Variants in TENT5B observed in about 807,000 individuals in gnomAD.
TENT5B encodes family with sequence similarity 46 member B.
TENT5B carries 12 observed loss-of-function variants against 21.7 expected under a neutral mutation model. The ratio of observed to expected loss-of-function variants is 0.55; its 90% confidence interval spans 0.36 to 0.90. TENT5B has a LOEUF of 0.90. Among genes scored for constraint, TENT5B ranks in the 40% least tolerant of loss-of-function variants. TENT5B has a pLI of 0.01. For synonymous variants in TENT5B, 262 were observed against 266.6 expected (o/e 0.98, Z 0.17); for missense variants, 540 against 601.5 (o/e 0.90, Z 1.07).
At chr1:27,011,828 C>G (rs1254718996) in intron 1 of TENT5B, among the ~76,000 whole-genome samples, 1 of 152,056 alleles carries the variant, frequency 6.6e-6, no homozygotes, top group Admixed American at 6.6e-5. Context: ...CAGGTCTGAC[C>G]TTCGGCTTAA....
chr1:27,011,928 T>G (rs1424229720), intron 1 of TENT5B, among the ~76,000 whole-genome samples: 1 of 149,884 alleles, frequency 6.7e-6, no homozygotes, highest in Admixed American at 6.7e-5. Context: ...GAAGGGGGGG[T>G]TTCTCCAGCA....
rs1481749108 is a variant in TENT5B, at chr1:27,006,350, C to T, written c.872G>A (p.Arg291Gln). 10 of 1,610,816 alleles carry T rather than the reference C, an allele frequency of 6.2e-6. No homozygotes were observed. Among genetic ancestry groups the T allele is most frequent in the Middle Eastern group, 1.6e-4 (1 of 6,078 alleles). ...GCGCACATCGGTGCTGGGCCGGGGCCGGAAGCCCCGCACCAGGAGGTGGCA... is the reference window on the plus strand; with the variant it reads ...GCGCACATCGGTGCTGGGCCGGGGCTGGAAGCCCCGCACCAGGAGGTGGCA... Reference protein sequence around the residue: ...KYCHLLVRGFRPRPSTDVRAL... With the variant: ...KYCHLLVRGFQPRPSTDVRAL... The change falls in exon 2 of 2, where the codon CGG becomes CAG. Residue 291 changes from arginine (R) to glutamine (Q), a missense_variant. Transcript: ENST00000289166. The surrounding 1 kb of genome is among the most constrained non-coding windows in gnomAD (Gnocchi z 9.4).
At position 27,005,994 on chromosome 1, in the gene TENT5B, C is replaced by CG. The variant is rs950361300; in HGVS notation, c.1227dup (p.Val410ArgfsTer16). On this transcript the variant is annotated frameshift_variant, in exon 2 of 2. Coordinates refer to ENST00000289166, the MANE Select transcript of TENT5B (RefSeq NM_052943.4). LOFTEE classifies it high-confidence loss of function. ...TAGGCGTGAGCCAGGAGAGGTTGCA[C>CG]GGGGGTCACGTAGTAATTGACAGTG... 3.8e-6 allele frequency: 6 copies of CG among 1,596,870 alleles called. No individual in the cohort carries two copies. Among genetic ancestry groups the CG allele is most frequent in the Non-Finnish European group, 5.1e-6 (6 of 1,169,552 alleles).
chr1:27,006,876 G>C lies in TENT5B; in HGVS notation c.346C>G (p.His116Asp). The change falls in exon 2 of 2, where the codon CAC (histidine) becomes GAC (aspartate). Residue 116 changes from histidine (H) to aspartate (D), a missense_variant. Transcript: ENST00000289166. The surrounding 1 kb of genome is among the most constrained non-coding windows in gnomAD (Gnocchi z 9.4). ...LHGSAASHVL[H>D]PESGLGYKDL... ...TTGTAGCCCAGGCCACTCTCAGGGT[G>C]CAGCACGTGGCTGGCAGCTGAACCA... The C allele has an allele frequency of 1.9e-6, 3 of 1,613,914 alleles. No individual in the cohort carries two copies. The highest frequency in any genetic ancestry group is 2.5e-6 in the Non-Finnish European group (3 of 1,180,016).
At chr1:27,010,802 T>C (rs954262144) in intron 1 of TENT5B, among the ~76,000 whole-genome samples, 37 of 152,322 alleles carry the variant, frequency 2.4e-4, no homozygotes, top group African/African-American at 8.7e-4. Flanking sequence ...TAAAGTTAGC[T>C]TCTATTGACC....
rs2082592170 is a variant in TENT5B, at chr1:27,005,592, G to A, written c.*352C>T. 1 of 274,724 alleles carries A rather than the reference G, an allele frequency of 3.6e-6. No homozygotes were observed. The highest frequency in any genetic ancestry group is 6.9e-6 in the Non-Finnish European group (1 of 145,214). The allele number at this position is 274,724 out of a possible 1,614,324, so 17.0% of individuals were successfully genotyped here. ...GGCCTTAGTCAAAAAGACCCTCTTA[G>A]ACCATGGGAATCAATCCAAGGTGCT... is the stretch of plus-strand genomic sequence containing the variant. On this transcript the variant is annotated 3_prime_UTR_variant, in exon 2 of 2. Transcript: ENST00000289166.
chr1:27,007,603 G>C (rs2082606892), intron 1 of TENT5B, among the ~76,000 whole-genome samples: 1 of 151,266 alleles, frequency 6.6e-6, no homozygotes, highest in Non-Finnish European at 1.5e-5. Context: ...TCTTGGCCAG[G>C]CTGGTCTTTA....
intron 1 of TENT5B, among the ~76,000 whole-genome samples, chr1:27,010,495 C>A (rs1199534052): frequency 1.3e-5 from 2 of 151,388 alleles, no homozygotes; most frequent in Non-Finnish European, 2.9e-5. Flanking sequence ...AAGAAACTTT[C>A]TTCGCTGTGG....
chr1:27,009,602 G>A (rs2082615448), intron 1 of TENT5B, among the ~76,000 whole-genome samples: 1 of 152,244 alleles, frequency 6.6e-6, no homozygotes, highest in Non-Finnish European at 1.5e-5. Context: ...TCAGCTGGCA[G>A]CTGTGCCTGC....
At chr1:27,011,333 A>T (rs182411266) in intron 1 of TENT5B, among the ~76,000 whole-genome samples, 35 of 152,288 alleles carry the variant, frequency 2.3e-4, no homozygotes, top group African/African-American at 7.9e-4. Context: ...ATCCAAAGGA[A>T]GCCATCAGTT....
intron 1 of TENT5B, among the ~76,000 whole-genome samples, chr1:27,009,098 G>A (rs1450521578): frequency 1.3e-5 from 2 of 148,514 alleles, no homozygotes; most frequent in African/African-American, 5.0e-5. Context: ...TCCCAAGTAG[G>A]TGGGACTACA....
rs746764507 is a variant in TENT5B at position 27,012,424 on chromosome 1, G to C, written c.247C>G (p.Pro83Ala). Residue 83 changes from proline (P) to alanine (A), a missense_variant, in exon 1 of 2, where the codon CCC becomes GCC. By Grantham distance (27) the Pro-to-Ala change is conservative. Coordinates refer to ENST00000289166, the MANE Select transcript of TENT5B (RefSeq NM_052943.4). ...CCTCTCACCTGCACGATCTGCCGGG[G>C]CTGCACGCTCAGCGTGGGGAAGTTG... ...RGNFPTLSVQ[P>A]RQIVQVVRST... 3 of 1,612,882 alleles carry C rather than the reference G, an allele frequency of 1.9e-6. No individual in the cohort carries two copies. The South Asian group carries it at 3.3e-5, about 18-fold the overall frequency.
At position 27,012,679 on chromosome 1, in the gene TENT5B, C is replaced by G; in HGVS notation, c.-9G>C. On this transcript the variant is annotated 5_prime_UTR_variant, in exon 1 of 2. Coordinates refer to ENST00000289166, the MANE Select transcript of TENT5B (RefSeq NM_052943.4). ...CTCTCCGACGGCATCATCCGCCCGGCCCCCGGGCCCCGACGGCAGAAACCG... is the reference window on the plus strand; with the variant it reads ...CTCTCCGACGGCATCATCCGCCCGGGCCCCGGGCCCCGACGGCAGAAACCG... 1 of 1,453,680 alleles carries G rather than the reference C, an allele frequency of 6.9e-7. No individual in the cohort carries two copies. The highest frequency in any genetic ancestry group is 8.9e-7 in the Non-Finnish European group (1 of 1,117,590). The allele number at this position is 1,453,680 out of a possible 1,614,324, so 90.0% of individuals were successfully genotyped here.
At chr1:27,007,710 C>A (rs900309583) in intron 1 of TENT5B, among the ~76,000 whole-genome samples, 2 of 152,152 alleles carry the variant, frequency 1.3e-5, no homozygotes, top group East Asian at 3.9e-4. Context: ...TGCTATTCTA[C>A]CTCTCAAACT....
chr1:27,011,122 A>T (rs1305156032), intron 1 of TENT5B, among the ~76,000 whole-genome samples: 1 of 152,138 alleles, frequency 6.6e-6, no homozygotes, highest in Non-Finnish European at 1.5e-5. Context: ...CTGGTTTCCT[A>T]ATCACCCAGG....
At position 27,005,923 on chromosome 1, in the gene TENT5B, CCCTTCTGG is replaced by C; in HGVS notation, c.*13_*20del. On this transcript the variant is annotated 3_prime_UTR_variant, in exon 2 of 2. Coordinates refer to ENST00000289166, the MANE Select transcript of TENT5B (RefSeq NM_052943.4). Reference sequence around the variant, plus strand: ...CCCACCCCGTGAGGCCCAGTCCCTTCCCTTCTGGCCAGGGTCTGAGTCAGTTACAAGGC... The same window carrying C: ...CCCACCCCGTGAGGCCCAGTCCCTTCCCAGGGTCTGAGTCAGTTACAAGGC... 2 of 1,531,368 alleles carry C rather than the reference CCCTTCTGG, an allele frequency of 1.3e-6. No individual in the cohort carries two copies. Among genetic ancestry groups the C allele is most frequent in the Non-Finnish European group, 1.8e-6 (2 of 1,137,632 alleles). 94.9% of individuals were successfully genotyped at this position (1,531,368 alleles called of 1,614,324 possible).
rs551498371 is a variant in TENT5B at position 27,012,773 on chromosome 1, C to T, written c.-103G>A. 2,189 of 1,322,822 alleles carry T rather than the reference C, an allele frequency of 1.7e-3. 4 individuals are homozygous for T. Among genetic ancestry groups the T allele is most frequent in the Non-Finnish European group, 2.0e-3 (2,094 of 1,026,024 alleles). The allele number at this position is 1,322,822 out of a possible 1,614,324, so 81.9% of individuals were successfully genotyped here. A position where few individuals can be genotyped will look rare whatever the true frequency, so the allele number is the denominator to read the frequency against. ...GGGGCCAAGGCGGGGGGCACGAAGG[C>T]AGGGACGGGGCGGCAACGACGGCGA... On this transcript the variant is annotated 5_prime_UTR_variant, in exon 1 of 2. Coordinates refer to ENST00000289166, the MANE Select transcript of TENT5B (RefSeq NM_052943.4).
Position 27,005,736 on chromosome 1 carries a change from G to C in TENT5B, c.*208C>G. ...CCAAAAGTGTGATGCAATAACCAAA[G>C]GGTCCTCCTGCTGAGAGCCCCAGGC... On this transcript the variant is annotated 3_prime_UTR_variant, in exon 2 of 2. Coordinates refer to ENST00000289166, the MANE Select transcript of TENT5B (RefSeq NM_052943.4). 1 of 574,266 alleles carries C rather than the reference G, an allele frequency of 1.7e-6. No individual in the cohort carries two copies. Among genetic ancestry groups the C allele is most frequent in the East Asian group, 3.1e-5 (1 of 31,986 alleles). 35.6% of individuals were successfully genotyped at this position (574,266 alleles called of 1,614,324 possible). A position where few individuals can be genotyped will look rare whatever the true frequency, so the allele number is the denominator to read the frequency against.
rs377348869 is a variant in TENT5B, at chr1:27,006,348, G to A, written c.874C>T (p.Pro292Ser). Reference sequence around the variant, plus strand: ...GCGCGCACATCGGTGCTGGGCCGGGGCCGGAAGCCCCGCACCAGGAGGTGG... The same window carrying A: ...GCGCGCACATCGGTGCTGGGCCGGGACCGGAAGCCCCGCACCAGGAGGTGG... ...YCHLLVRGFR[P>S]RPSTDVRALQ... Residue 292 changes from proline (P) to serine (S), a missense_variant, in exon 2 of 2, where the codon CCC (proline) becomes TCC (serine). Pro to Ser is a moderately conservative substitution (Grantham distance 74, BLOSUM62 -1). Transcript: ENST00000289166. The surrounding 1 kb of genome is among the most constrained non-coding windows in gnomAD (Gnocchi z 9.4). 2 of 1,611,096 alleles carry A rather than the reference G, an allele frequency of 1.2e-6. No individual in the cohort carries two copies. The highest frequency in any genetic ancestry group is 1.3e-5 in the African/African-American group (1 of 75,028).
Sources: gnomAD v4.1 joint callset for allele counts (sites outside exome capture counted in the v4.1 genomes callset) on GRCh38, gnomAD v4.1.1 for gene constraint, Gnocchi (gnomAD v3.1) non-coding constraint, MANE v1.5 for transcripts, NCBI Gene and HGNC (gene_info 2026-07-23, HGNC 2026-07-21) for gene names.